The following CFAP70 variants were observed in gnomAD, a reference collection of about 807,000 sequenced individuals.
The protein encoded by CFAP70 is cilia- and flagella-associated protein 70.
Under a neutral mutation model 137.6 loss-of-function variants are expected in CFAP70, and 81 were observed. That is an observed-to-expected ratio of 0.59 (90% CI 0.49 to 0.71). The LOEUF is 0.71. Ranked by LOEUF, CFAP70 falls within the 30% of genes least tolerant of loss-of-function variation. The pLI is 0.00. For synonymous variants in CFAP70, 382 were observed against 423.6 expected, an observed-to-expected ratio of 0.90 and a Z score of 1.20; for missense variants, 976 against 1,226.7, an observed-to-expected ratio of 0.80 and a Z score of 3.05.
At chr10:73,299,750 G>T in intron 12 of CFAP70, 85 bp from the exon 14 acceptor site, 1 of 1,074,144 alleles carries the variant, frequency 9.3e-7, no homozygotes, top group Non-Finnish European at 1.3e-6. Flanking sequence ...TATCCTCAAA[G>T]TGTCTGGGTG....
At chr10:73,297,557 C>T (rs2048635217) in intron 14 of CFAP70, among the ~76,000 whole-genome samples, 1 of 151,404 alleles carries the variant, frequency 6.6e-6, no homozygotes, top group African/African-American at 2.5e-5. Context: ...TCTAATGCTG[C>T]CACTGTACAA....
At chr10:73,276,513 T>C (rs1324323832) in intron 21 of CFAP70, 1 of 152,210 alleles carries the variant, frequency 6.6e-6, no homozygotes, top group Non-Finnish European at 1.5e-5. Context: ...GTTTCTATTT[T>C]GCGGAGGGTT....
intron 2 of CFAP70, among the ~76,000 whole-genome samples, chr10:73,354,334 T>C (rs1258517532): frequency 1.3e-5 from 2 of 152,258 alleles, no homozygotes; most frequent in Non-Finnish European, 2.9e-5. Context: ...AAACTTAATA[T>C]ACTGAATATT....
chr10:73,275,637 C>G lies in CFAP70; in HGVS notation c.2521-39G>C. The G allele has an allele frequency of 6.8e-7, 1 of 1,465,330 alleles. No homozygotes were observed. Among genetic ancestry groups the G allele is most frequent in the Non-Finnish European group, 9.1e-7 (1 of 1,104,356 alleles). The allele number at this position is 1,465,330 out of a possible 1,614,324, so 90.8% of individuals were successfully genotyped here. A position where few individuals can be genotyped will look rare whatever the true frequency, so the allele number is the denominator to read the frequency against. On this transcript the variant is annotated intron_variant, in intron 21 of 26. Coordinates refer to ENST00000310715, the Ensembl canonical transcript of CFAP70. The surrounding 1 kb of genome is among the most constrained non-coding windows in gnomAD (Gnocchi z 4.0). ...CAGATTATAAGCAACATATAAATGG[C>G]TGCATTGCGTCTTTTTCGGTTGAAG...
chr10:73,313,774 C>T (rs986329958), intron 9 of CFAP70, among the ~76,000 whole-genome samples: 11 of 151,944 alleles, frequency 7.2e-5, no homozygotes, highest in South Asian at 2.1e-4. Context: ...ACCTGGGAGG[C>T]GGAGGTTGCA....
intron 1 of CFAP70, among the ~76,000 whole-genome samples, chr10:73,356,444 C>G (rs981140650): frequency 6.6e-6 from 1 of 152,190 alleles, no homozygotes; most frequent in African/African-American, 2.4e-5. Context: ...GCAATCCACT[C>G]ACCTCAGCCT....
At chr10:73,300,219 T>C (rs1203222108) in intron 12 of CFAP70, among the ~76,000 whole-genome samples, 1 of 152,188 alleles carries the variant, frequency 6.6e-6, no homozygotes, top group Non-Finnish European at 1.5e-5. Context: ...AATGTCAAAC[T>C]ACTTATGTCA....
chr10:73,318,927 G>A (rs1007200243), intron 9 of CFAP70, among the ~76,000 whole-genome samples: 5 of 152,140 alleles, frequency 3.3e-5, no homozygotes, highest in African/African-American at 4.8e-5. Flanking sequence ...TACCAATTAC[G>A]CTTCTACGAG....
intron 8 of CFAP70, among the ~76,000 whole-genome samples, chr10:73,323,331 C>CGG (rs375347388): frequency 5.9e-4 from 28 of 47,448 alleles, no homozygotes; most frequent in South Asian, 2.6e-3. Flanking sequence ...ATGGCGGGGG[C>CGG]GGGGGGGGGG....
intron 12 of CFAP70, 57 bp from the exon 14 acceptor site, chr10:73,299,722 G>GTA (rs1299507032): frequency 9.3e-6 from 13 of 1,392,226 alleles, no homozygotes; most frequent in Non-Finnish European, 1.3e-5. Context: ...ATCTACAGAT[G>GTA]TATATTTTCT....
At chr10:73,278,743 G>A (rs2046991859) in intron 19 of CFAP70, among the ~76,000 whole-genome samples, 1 of 152,270 alleles carries the variant, frequency 6.6e-6, no homozygotes, top group African/African-American at 2.4e-5. Context: ...CACTTTGGGA[G>A]GCCGAGGCAG....
At chr10:73,326,360 A>G (rs1462712911) in intron 8 of CFAP70, among the ~76,000 whole-genome samples, 1 of 147,788 alleles carries the variant, frequency 6.8e-6, no homozygotes, top group Admixed American at 6.8e-5. Context: ...AATTTATAGC[A>G]CTAAATGCCC....
At chr10:73,295,856 TC>T (rs1179621966) in intron 15 of CFAP70, 1 of 152,168 alleles carries the variant, frequency 6.6e-6, no homozygotes, top group African/African-American at 2.4e-5. Context: ...ATTTCATAGC[TC>T]CCCAAATCTC....
At chr10:73,362,013 G>A (rs541365109), upstream of CFAP70, among the ~76,000 whole-genome samples, 217 of 152,172 alleles carry the variant, frequency 1.4e-3, no homozygotes, top group Non-Finnish European at 2.5e-3. Context: ...ATCAAGTAAC[G>A]AAGACAGTAA....
intron 19 of CFAP70, chr10:73,279,213 TA>T (rs923281600): frequency 3.3e-5 from 5 of 151,722 alleles, no homozygotes; most frequent in African/African-American, 9.7e-5. Flanking sequence ...GTACAAATAC[TA>T]TATATCAATT....
intron 19 of CFAP70, among the ~76,000 whole-genome samples, chr10:73,287,928 G>T (rs7900378): frequency 0.11 from 16,019 of 151,524 alleles, 1,220 homozygotes; most frequent in East Asian, 0.31. Context: ...GATGGAGTCT[G>T]GCTCTGTCAC....
intron 21 of CFAP70, 171 bp downstream of exon 22, chr10:73,277,069 C>CA: frequency 2.7e-6 from 2 of 729,774 alleles, no homozygotes; most frequent in South Asian, 5.2e-5. Flanking sequence ...CTGCCATGTG[C>CA]AAAGAGTGGT....
At chr10:73,338,695 C>T (rs1339079656) in intron 6 of CFAP70, among the ~76,000 whole-genome samples, 1 of 152,074 alleles carries the variant, frequency 6.6e-6, no homozygotes, top group Non-Finnish European at 1.5e-5. Context: ...TCCCAAAGTG[C>T]TAGCATTACA....
chr10:73,293,121 T>G (rs1186667204), intron 16 of CFAP70, 142 bp downstream of exon 17: 5 of 755,024 alleles, frequency 6.6e-6, no homozygotes, highest in Non-Finnish European at 5.8e-6. Flanking sequence ...ATGACCTTAT[T>G]GGTGGGAACC....
Sources: gnomAD v4.1 joint callset for allele counts (sites outside exome capture counted in the v4.1 genomes callset) on GRCh38, gnomAD v4.1.1 for gene constraint, Gnocchi (gnomAD v3.1) non-coding constraint, MANE v1.5 for transcripts, NCBI Gene and HGNC (gene_info 2026-07-23, HGNC 2026-07-21) for gene names.